Variants in RTN4 observed in about 807,000 individuals in gnomAD.
RTN4 encodes the protein reticulon 4.
In RTN4, 32 loss-of-function variants were observed where a neutral mutation model predicts 90.4. The observed-to-expected ratio is 0.35, with a 90% CI of 0.27 to 0.48. The LOEUF is 0.48. RTN4 is among the 20% of genes least tolerant of loss of function. RTN4 has a pLI of 0.99. For synonymous variants in RTN4, 629 were observed against 552.5 expected (o/e 1.14, Z -1.94); for missense variants, 1,706 against 1,430.2 (o/e 1.19, Z -3.11).
At chr2:55,080,135 G>C (rs1421903614) in intron 2 of RTN4, among the ~76,000 whole-genome samples, 1 of 152,072 alleles carries the variant, frequency 6.6e-6, no homozygotes. Context: ...TCCCACCTCA[G>C]CTTCCCTAGT....
At chr2:55,041,663 A>G (rs1683085158) in intron 1 of RTN4, among the ~76,000 whole-genome samples, 1 of 152,088 alleles carries the variant, frequency 6.6e-6, no homozygotes, top group Non-Finnish European at 1.5e-5. Flanking sequence ...ATATAAAATT[A>G]TTTCACTACT....
intron 3 of RTN4, among the ~76,000 whole-genome samples, chr2:55,012,485 T>C (rs539286412): frequency 1.3e-5 from 2 of 152,214 alleles, no homozygotes; most frequent in Non-Finnish European, 2.9e-5. Flanking sequence ...AGACTTGTTT[T>C]AAGTTTGGCA....
intron 1 of RTN4, among the ~76,000 whole-genome samples, chr2:55,097,151 T>C (rs1385418372): frequency 2.0e-5 from 3 of 151,702 alleles, no homozygotes; most frequent in Non-Finnish European, 4.4e-5. Flanking sequence ...GCATGGCCAC[T>C]AAGCAATTTA....
intron 2 of RTN4, among the ~76,000 whole-genome samples, chr2:55,070,026 G>A (rs527685342): frequency 2.6e-4 from 40 of 152,234 alleles, no homozygotes; most frequent in African/African-American, 9.1e-4. Context: ...CAGTGGTTTC[G>A]ATGGCAGAGA....
At chr2:55,130,603 T>A in the RTN4 span, among the ~76,000 whole-genome samples, 2 of 152,020 alleles carry the variant, frequency 1.3e-5, no homozygotes, top group African/African-American at 2.4e-5. Context: ...ATACAAAAAT[T>A]AGCCAGGCAT....
Position 55,066,791 on chromosome 2 carries a change from G to A in RTN4, c.-63+13698C>T, listed in dbSNP as rs2105011269. On this transcript the variant is annotated intron_variant, in intron 2 of 3. Transcript: ENST00000427710. ...CGTTTGTAAAATTGTATTATGTTGA[G>A]CCATATGAAATTGTCATTTTTATAA... is the stretch of plus-strand genomic sequence containing the variant. 1.3e-5 allele frequency among the ~76,000 whole-genome samples: 2 copies of A among 152,160 alleles called. 1 individual carries two copies. The highest frequency in any genetic ancestry group is 3.9e-4 in the East Asian group (2 of 5,190).
At chr2:55,006,801 T>C (rs1558795237) in intron 3 of RTN4, among the ~76,000 whole-genome samples, 1 of 152,096 alleles carries the variant, frequency 6.6e-6, no homozygotes, top group Admixed American at 6.6e-5. Flanking sequence ...GAAAATTCTT[T>C]CCCCCCTTAG....
the RTN4 span, among the ~76,000 whole-genome samples, chr2:55,121,150 T>C: frequency 6.6e-5 from 10 of 152,342 alleles, no homozygotes; most frequent in South Asian, 2.1e-4. Context: ...CAAATACTTA[T>C]TGTGCAGTGT....
chr2:55,092,133 T>C (rs1351201165), intron 1 of RTN4, among the ~76,000 whole-genome samples: 2 of 149,272 alleles, frequency 1.3e-5, no homozygotes, highest in African/African-American at 5.0e-5. Flanking sequence ...GAGGCTGCAG[T>C]GAGCTGAGAT....
At chr2:54,973,691 C>T in intron 7 of RTN4, 70 bp from the exon 8 acceptor site, 1 of 1,505,768 alleles carries the variant, frequency 6.6e-7, no homozygotes, top group Non-Finnish European at 9.2e-7. Context: ...ATGTGTCAAG[C>T]TAAAGGCTTA....
At chr2:55,020,728 G>A (rs1270107861) in intron 3 of RTN4, among the ~76,000 whole-genome samples, 1 of 152,122 alleles carries the variant, frequency 6.6e-6, no homozygotes, top group African/African-American at 2.4e-5. Context: ...AACAAGAACA[G>A]GAAAGTCCTG....
At chr2:55,053,704 A>G (rs1338936471), upstream of RTN4, among the ~76,000 whole-genome samples, 1 of 151,736 alleles carries the variant, frequency 6.6e-6, no homozygotes, top group African/African-American at 2.4e-5. Flanking sequence ...AACAAAAAAA[A>G]AAAGAAACAA....
chr2:55,012,461 A>G (rs1680714737), intron 3 of RTN4, among the ~76,000 whole-genome samples: 1 of 152,344 alleles, frequency 6.6e-6, no homozygotes, highest in East Asian at 1.9e-4. Context: ...TCTTTCTCAC[A>G]AAGTTTTTCA....
At chr2:55,095,730 G>A (rs545475167) in intron 1 of RTN4, among the ~76,000 whole-genome samples, 1 of 152,206 alleles carries the variant, frequency 6.6e-6, no homozygotes, top group East Asian at 1.9e-4. Context: ...TTGTAGAGAT[G>A]GGGATCTCAC....
At chr2:55,009,299 T>C (rs1680463296) in intron 3 of RTN4, among the ~76,000 whole-genome samples, 2 of 152,298 alleles carry the variant, frequency 1.3e-5, no homozygotes, top group Admixed American at 6.5e-5. Context: ...TGGTCAGATA[T>C]ACAGCCTACC....
chr2:55,011,835 G>C (rs1680666720), intron 3 of RTN4, among the ~76,000 whole-genome samples: 1 of 152,056 alleles, frequency 6.6e-6, no homozygotes, highest in Non-Finnish European at 1.5e-5. Flanking sequence ...ATAAAGAAAA[G>C]TAATTTTTAA....
intron 1 of RTN4, among the ~76,000 whole-genome samples, chr2:55,105,973 C>A (rs1667936694): frequency 6.6e-6 from 1 of 151,978 alleles, no homozygotes; most frequent in Non-Finnish European, 1.5e-5. Context: ...GGAGGAGACC[C>A]CCATCTCTAA....
rs199677856 is a variant in RTN4, at chr2:55,026,116, C to T, written c.1983G>A (p.Glu661=). 6.2e-7 allele frequency: 1 copy of T among 1,613,264 alleles called. No homozygotes were observed. Among genetic ancestry groups the T allele is most frequent in the East Asian group, 2.2e-5 (1 of 44,868 alleles). ...HEPENPPPYE[E]AMSVSLKKVS... ...CTTTTTTTAGTGATACACTCATGGC[C>T]TCTTCATATGGTGGGGGGTTTTCAG... Residue 661 remains glutamate (E), a synonymous_variant, in exon 3 of 9, where the codon GAG becomes GAA. Coordinates refer to ENST00000337526, the MANE Select transcript of RTN4 (RefSeq NM_020532.5).
At chr2:55,128,660 C>T in the RTN4 span, among the ~76,000 whole-genome samples, 1 of 152,082 alleles carries the variant, frequency 6.6e-6, no homozygotes, top group East Asian at 1.9e-4. Flanking sequence ...GGCAACATAG[C>T]AACTCACAAT....
Sources: gnomAD v4.1 joint callset for allele counts (sites outside exome capture counted in the v4.1 genomes callset) on GRCh38, gnomAD v4.1.1 for gene constraint, MANE v1.5 for transcripts, NCBI Gene and HGNC (gene_info 2026-07-23, HGNC 2026-07-21) for gene names.